Variants in CTNNA2 observed in about 807,000 individuals in gnomAD.
CTNNA2 encodes catenin alpha 2, also known as catenin alpha-2.
A neutral mutation model predicts 101.0 loss-of-function variants in CTNNA2; 42 were observed. That is an observed-to-expected ratio of 0.42 (90% CI 0.32 to 0.54). The LOEUF is 0.54. CTNNA2 is among the 20% of genes least tolerant of loss of function. CTNNA2 has a pLI of 0.14. For synonymous variants in CTNNA2, 450 were observed against 456.4 expected (o/e 0.99, Z 0.18); for missense variants, 871 against 1,223.1 (o/e 0.71, Z 4.29).
chr2:79,794,261 T>C (rs1466494871), intron 3 of CTNNA2, among the ~76,000 whole-genome samples: 1 of 152,200 alleles, frequency 6.6e-6, no homozygotes, highest in African/African-American at 2.4e-5. Flanking sequence ...TCATCATGGC[T>C]TTAGACATCT....
intron 7 of CTNNA2, among the ~76,000 whole-genome samples, chr2:80,141,853 GC>G (rs2148911256): frequency 8.6e-6 from 1 of 116,418 alleles, no homozygotes; most frequent in African/African-American, 3.8e-5. Context: ...ACTAAAGATA[GC>G]ATTTTTTTTT....
intron 7 of CTNNA2, among the ~76,000 whole-genome samples, chr2:80,263,658 G>A (rs184408941): frequency 2.2e-4 from 33 of 152,292 alleles, no homozygotes; most frequent in Non-Finnish European, 2.8e-4. Flanking sequence ...TTTAAATTCA[G>A]TTCCTTAGCC....
intron 1 of CTNNA2, among the ~76,000 whole-genome samples, chr2:79,597,155 CTGTT>C (rs1356165470): frequency 1.3e-5 from 2 of 152,114 alleles, no homozygotes; most frequent in African/African-American, 2.4e-5. Context: ...GAAACATTCT[CTGTT>C]TGTTTTCGCC....
intron 2 of CTNNA2, among the ~76,000 whole-genome samples, chr2:79,266,324 C>T (rs942799331): frequency 2.6e-5 from 4 of 152,162 alleles, no homozygotes; most frequent in Admixed American, 2.6e-4. Context: ...CAACTCCTCC[C>T]TGGATGAAGA....
At chr2:80,553,229 A>G in intron 11 of CTNNA2, among the ~76,000 whole-genome samples, 1 of 87,500 alleles carries the variant, frequency 1.1e-5, no homozygotes, top group Non-Finnish European at 2.5e-5. Context: ...GTCTCAAAAA[A>G]AAAAATAAAA....
intron 2 of CTNNA2, among the ~76,000 whole-genome samples, chr2:79,299,039 A>G (rs1676046340): frequency 6.6e-6 from 1 of 152,192 alleles, no homozygotes; most frequent in South Asian, 2.1e-4. Context: ...CTCCTTCATT[A>G]TTGAGAATGC....
intron 2 of CTNNA2, among the ~76,000 whole-genome samples, chr2:79,269,488 A>G (rs966877456): frequency 1.3e-5 from 2 of 152,168 alleles, no homozygotes; most frequent in Non-Finnish European, 2.9e-5. Flanking sequence ...TCCTCTGCAC[A>G]TACTATAGAA....
intron 7 of CTNNA2, among the ~76,000 whole-genome samples, chr2:80,087,256 A>G (rs1699500881): frequency 6.6e-6 from 1 of 152,080 alleles, no homozygotes; most frequent in South Asian, 2.1e-4. Context: ...TGAGTGAAAT[A>G]AAACTGAAAA....
chr2:79,326,167 A>G (rs1226473940), intron 3 of CTNNA2, among the ~76,000 whole-genome samples: 1 of 152,196 alleles, frequency 6.6e-6, no homozygotes, highest in African/African-American at 2.4e-5. Context: ...AGTGGACTAC[A>G]AAATCTATCA....
intron 7 of CTNNA2, among the ~76,000 whole-genome samples, chr2:80,081,447 T>A (rs1699138137): frequency 6.6e-6 from 1 of 152,084 alleles, no homozygotes; most frequent in Non-Finnish European, 1.5e-5. Flanking sequence ...AACGCTGGGG[T>A]GGCTCCCTTC....
At chr2:80,240,264 A>G (rs916457582) in intron 7 of CTNNA2, among the ~76,000 whole-genome samples, 5 of 152,250 alleles carry the variant, frequency 3.3e-5, no homozygotes, top group African/African-American at 1.2e-4. Flanking sequence ...GATCAACAAC[A>G]TAAGTCATCA....
intron 7 of CTNNA2, chr2:80,162,340 G>A (rs1290705108): frequency 9.3e-7 from 1 of 1,071,396 alleles, no homozygotes; most frequent in Non-Finnish European, 1.3e-6. Context: ...AAAGAAATGT[G>A]ACAACTTGTA....
intron 9 of CTNNA2, among the ~76,000 whole-genome samples, chr2:80,424,240 C>T (rs542850672): frequency 1.3e-5 from 2 of 152,290 alleles, no homozygotes; most frequent in South Asian, 2.1e-4. Flanking sequence ...AGGCGTGAGC[C>T]ACCGTGCCCG....
At chr2:79,887,298 A>G (rs1193625567) in intron 6 of CTNNA2, among the ~76,000 whole-genome samples, 2 of 152,236 alleles carry the variant, frequency 1.3e-5, no homozygotes, top group Non-Finnish European at 2.9e-5. Flanking sequence ...GAGGAAGTAG[A>G]ATCAACAGGT....
intron 11 of CTNNA2, among the ~76,000 whole-genome samples, chr2:80,555,180 T>C (rs1692921643): frequency 6.6e-6 from 1 of 152,210 alleles, no homozygotes; most frequent in South Asian, 2.1e-4. Flanking sequence ...CTCAAATGTT[T>C]TCGTAATGAA....
chr2:79,306,399 A>C (rs2104395658), intron 2 of CTNNA2, among the ~76,000 whole-genome samples: 1 of 152,390 alleles, frequency 6.6e-6, no homozygotes, highest in African/African-American at 2.4e-5. Flanking sequence ...TATACTAATT[A>C]GTTTGATTTA....
At chr2:80,325,097 C>T (rs1679117596) in intron 7 of CTNNA2, among the ~76,000 whole-genome samples, 1 of 152,048 alleles carries the variant, frequency 6.6e-6, no homozygotes, top group Non-Finnish European at 1.5e-5. Flanking sequence ...GAATGCAAGG[C>T]ATTAAAAATA....
At chr2:80,210,795 T>C (rs535908650) in intron 7 of CTNNA2, among the ~76,000 whole-genome samples, 3 of 152,202 alleles carry the variant, frequency 2.0e-5, no homozygotes, top group African/African-American at 7.2e-5. Flanking sequence ...CGCCACAGTG[T>C]CTTCCACAAT....
chr2:80,320,510 A>T (rs1167528287), intron 7 of CTNNA2, among the ~76,000 whole-genome samples: 2 of 152,202 alleles, frequency 1.3e-5, no homozygotes, highest in African/African-American at 2.4e-5. Flanking sequence ...TGGGTGAGGA[A>T]CAGACCATTT....
Sources: allele counts gnomAD v4.1 joint callset (sites outside exome capture counted in the v4.1 genomes callset), GRCh38; gene constraint gnomAD v4.1.1; transcripts MANE v1.5; gene names NCBI Gene and HGNC (gene_info 2026-07-23, HGNC 2026-07-21).